Variants in CFAP77 observed in about 807,000 individuals in gnomAD.
The protein encoded by CFAP77 is cilia and flagella associated protein 77.
CFAP77 carries 25 observed loss-of-function variants against 31.1 expected under a neutral mutation model. That is an observed-to-expected ratio of 0.80 (90% CI 0.59 to 1.12). The LOEUF (loss-of-function observed/expected upper bound fraction) is 1.12, where lower values mean the gene tolerates loss of function less well. Among genes scored for constraint, CFAP77 ranks in the 50% most tolerant of loss-of-function variants. The pLI is 0.00. For synonymous variants in CFAP77, 151 were observed against 159.9 expected (o/e 0.94, Z 0.42); for missense variants, 377 against 397.3 (o/e 0.95, Z 0.44).
chr9:132,536,967 C>T (rs1429034225), intron 3 of CFAP77, among the ~76,000 whole-genome samples: 1 of 152,016 alleles, frequency 6.6e-6, no homozygotes, highest in Non-Finnish European at 1.5e-5. Context: ...GGCTGGAAAT[C>T]GTTGTCAAAG....
intron 1 of CFAP77, among the ~76,000 whole-genome samples, chr9:132,458,303 C>A (rs73554966): frequency 0.013 from 1,949 of 147,644 alleles, 34 homozygotes; most frequent in African/African-American, 0.046. Context: ...CTTTTGATTT[C>A]TTCTTCACCG....
At chr9:132,410,953 G>A (rs771668441) in intron 1 of CFAP77, among the ~76,000 whole-genome samples, 1 of 152,274 alleles carries the variant, frequency 6.6e-6, no homozygotes, top group South Asian at 2.1e-4. Flanking sequence ...CACGTCGAAT[G>A]TTCATTTCCG....
At chr9:132,531,627 G>GGC (rs1554748485) in intron 3 of CFAP77, among the ~76,000 whole-genome samples, 4 of 144,270 alleles carry the variant, frequency 2.8e-5, no homozygotes, top group African/African-American at 1.0e-4. Flanking sequence ...CTAAGACATG[G>GGC]GGGGGGGGGC....
chr9:132,559,214 G>A (rs1201683444), intron 5 of CFAP77, among the ~76,000 whole-genome samples: 4 of 151,050 alleles, frequency 2.6e-5, no homozygotes, highest in Admixed American at 1.3e-4. Flanking sequence ...GTGTGGTGGC[G>A]GGCATCTGTA....
Position 132,531,626 on chromosome 9 carries a change from G to GGT in CFAP77, c.525-5974_525-5973insTG, listed in dbSNP as rs1554748483. On this transcript the variant is annotated intron_variant, in intron 3 of 5. Transcript: ENST00000393216. ...TGAGTCTGGGCTTAGGCTAAGACAT[G>GGT]GGGGGGGGGGCATGGAAGGCATTTT... is the stretch of plus-strand genomic sequence containing the variant. 4.1e-5 allele frequency among the ~76,000 whole-genome samples: 4 copies of GGT among 98,078 alleles called. No homozygotes were observed. In the South Asian group the frequency reaches 9.5e-4, roughly 23 times the overall value. The allele number at this position is 98,078 out of a possible 152,430, so 64.3% of individuals were successfully genotyped here.
At chr9:132,507,977 T>C (rs1385466040) in intron 3 of CFAP77, among the ~76,000 whole-genome samples, 1 of 152,196 alleles carries the variant, frequency 6.6e-6, no homozygotes, top group East Asian at 1.9e-4. Context: ...TCGTTAATAC[T>C]CCTCTGCTGT....
intron 5 of CFAP77, among the ~76,000 whole-genome samples, chr9:132,568,752 T>C (rs557960805): frequency 2.6e-5 from 4 of 151,988 alleles, no homozygotes; most frequent in African/African-American, 7.2e-5. Flanking sequence ...TAGTCTGGAG[T>C]GCAGTGGCAT....
Position 132,459,140 on chromosome 9 carries a change from T to C in CFAP77, c.196-39555T>C, listed in dbSNP as rs1486312508. 4.6e-5 allele frequency among the ~76,000 whole-genome samples: 7 copies of C among 151,852 alleles called. No individual in the cohort carries two copies. In the South Asian group the frequency reaches 8.4e-4, roughly 18 times the overall value. On this transcript the variant is annotated intron_variant, in intron 1 of 5. Coordinates refer to ENST00000393216, the MANE Select transcript of CFAP77 (RefSeq NM_001282957.2). ...AGGCTGGAGTGCAGTGGCGTTATCT[T>C]GGCTCACTGCAAGCTCCGCCTCCCA...
At chr9:132,530,601 G>T (rs539395125) in intron 3 of CFAP77, among the ~76,000 whole-genome samples, 1 of 152,086 alleles carries the variant, frequency 6.6e-6, no homozygotes, top group South Asian at 2.1e-4. Context: ...GATTGTTTGG[G>T]GGTTTTTTGG....
At chr9:132,443,461 C>T (rs1425517928) in intron 1 of CFAP77, among the ~76,000 whole-genome samples, 2 of 152,130 alleles carry the variant, frequency 1.3e-5, no homozygotes, top group Non-Finnish European at 2.9e-5. Flanking sequence ...CCATGTTGGT[C>T]AGGCTGGTCT....
At chr9:132,469,700 C>T (rs1314292524) in intron 1 of CFAP77, among the ~76,000 whole-genome samples, 3 of 152,192 alleles carry the variant, frequency 2.0e-5, no homozygotes, top group Non-Finnish European at 1.5e-5. Context: ...ATTACAGACT[C>T]ACAGAGAGGT....
chr9:132,450,124 G>T (rs1302543214), intron 1 of CFAP77, among the ~76,000 whole-genome samples: 2 of 151,792 alleles, frequency 1.3e-5, no homozygotes, highest in Admixed American at 1.3e-4. Flanking sequence ...TAGAGACGGG[G>T]TTTCATCGTG....
At chr9:132,433,586 C>T (rs1039703704) in intron 1 of CFAP77, among the ~76,000 whole-genome samples, 4 of 150,962 alleles carry the variant, frequency 2.6e-5, no homozygotes, top group Non-Finnish European at 4.4e-5. Context: ...CTCACTCTGT[C>T]ACCCAGGCTG....
At chr9:132,439,574 T>C (rs113150339) in intron 1 of CFAP77, among the ~76,000 whole-genome samples, 106 of 151,762 alleles carry the variant, frequency 7.0e-4, no homozygotes, top group South Asian at 2.1e-3. Context: ...TGGCCGGGAG[T>C]GGTGGCTCAC....
At chr9:132,523,344 C>T (rs2119023434) in intron 3 of CFAP77, among the ~76,000 whole-genome samples, 1 of 152,344 alleles carries the variant, frequency 6.6e-6, no homozygotes, top group African/African-American at 2.4e-5. Flanking sequence ...CTGCCTCAGC[C>T]TCCCAAAGTG....
intron 1 of CFAP77, among the ~76,000 whole-genome samples, chr9:132,466,093 C>T (rs1412462192): frequency 1.3e-5 from 2 of 152,090 alleles, no homozygotes; most frequent in Admixed American, 6.5e-5. Context: ...CAGACATGAG[C>T]ACTTTTTTTT....
chr9:132,420,341 A>G (rs1227337149), intron 1 of CFAP77, among the ~76,000 whole-genome samples: 1 of 151,904 alleles, frequency 6.6e-6, no homozygotes, highest in African/African-American at 2.4e-5. Flanking sequence ...CACCTAGAGC[A>G]AAGGCACATC....
chr9:132,531,925 G>C (rs151201920), intron 3 of CFAP77, among the ~76,000 whole-genome samples: 1 of 152,324 alleles, frequency 6.6e-6, no homozygotes, highest in African/African-American at 2.4e-5. Context: ...CCTTTGTGGT[G>C]GCGATGGATG....
intron 3 of CFAP77, among the ~76,000 whole-genome samples, chr9:132,516,011 A>C (rs1281043327): frequency 6.6e-6 from 1 of 152,154 alleles, no homozygotes; most frequent in Non-Finnish European, 1.5e-5. Flanking sequence ...TGGCAGATAA[A>C]AGGGGAGGCT....
Sources: allele counts gnomAD v4.1 joint callset (sites outside exome capture counted in the v4.1 genomes callset), GRCh38; gene constraint gnomAD v4.1.1; transcripts MANE v1.5; gene names NCBI Gene and HGNC (gene_info 2026-07-23, HGNC 2026-07-21).